Variants in STOX1 observed in about 807,000 individuals in gnomAD.
The protein encoded by STOX1 is storkhead box 1.
STOX1 carries 57 observed loss-of-function variants against 74.8 expected under a neutral mutation model. The observed-to-expected ratio is 0.76, with a 90% CI of 0.62 to 0.95. The LOEUF (loss-of-function observed/expected upper bound fraction) is 0.95. Among genes scored for constraint, STOX1 ranks in the 40% least tolerant of loss-of-function variants. The pLI is 0.00. For missense variants in STOX1, 1,010 were observed against 1,117.0 expected (o/e 0.90, Z 1.37); for synonymous variants, 375 against 401.3 (o/e 0.93, Z 0.78).
chr10:68,843,573 T>C (rs1839749461), intron 1 of STOX1, among the ~76,000 whole-genome samples: 2 of 152,028 alleles, frequency 1.3e-5, no homozygotes, highest in African/African-American at 2.4e-5. Context: ...GGAATTTCAC[T>C]CTTGTTGCCC....
At chr10:68,889,778 G>A (rs1841054642) in intron 3 of STOX1, among the ~76,000 whole-genome samples, 2 of 151,916 alleles carry the variant, frequency 1.3e-5, no homozygotes, top group Non-Finnish European at 2.9e-5. Context: ...TGTCCAGGCT[G>A]GTCTTGAACT....
In STOX1 at chr10:68,882,185, CATAAACTGGGTG is replaced by C. The variant is rs1434612455; in HGVS notation, c.463+79_463+90del. ...TTCTATTTATAATTAGTCTTAAGCA[CATAAACTGGGTG>C]ATATCCTTTTTTCCCCTCTTCTATA... On this transcript the variant is annotated intron_variant, in intron 2 of 3. Coordinates refer to ENST00000298596, the MANE Select transcript of STOX1 (RefSeq NM_152709.5). 5.6e-6 allele frequency: 8 copies of C among 1,422,480 alleles called. No individual in the cohort carries two copies. In the Admixed American group the frequency reaches 1.3e-4, roughly 24 times the overall value. The allele number at this position is 1,422,480 out of a possible 1,614,324, so 88.1% of individuals were successfully genotyped here.
chr10:68,871,291 C>T (rs1840531317), intron 1 of STOX1, among the ~76,000 whole-genome samples: 1 of 152,340 alleles, frequency 6.6e-6, no homozygotes, highest in Non-Finnish European at 1.5e-5. Flanking sequence ...GGTGGGGCCA[C>T]CTGTCTTCTT....
chr10:68,858,509 A>G (rs1840182939), intron 1 of STOX1, among the ~76,000 whole-genome samples: 1 of 152,158 alleles, frequency 6.6e-6, no homozygotes, highest in Non-Finnish European at 1.5e-5. Flanking sequence ...GCTTCTTAGT[A>G]AAACTACATT....
chr10:68,870,080 A>G (rs1840501435), intron 1 of STOX1, among the ~76,000 whole-genome samples: 1 of 152,176 alleles, frequency 6.6e-6, no homozygotes, highest in Admixed American at 6.5e-5. Context: ...TTAAAAAAAA[A>G]TCTAGGGAAA....
Position 68,881,977 on chromosome 10 carries a change from A to G in STOX1, c.330A>G (p.Gln110=). Residue 110 remains glutamine, a synonymous_variant, in exon 2 of 4, where the codon CAA becomes CAG. Transcript: ENST00000298596. ...IRAVGDVFPV[Q]MNPITQSQFV... Reference sequence around the variant, plus strand: ...ATTTAGGTGATGTCTTTCCAGTGCAAATGAATCCAATAACTCAATCTCAGT... The same window carrying G: ...ATTTAGGTGATGTCTTTCCAGTGCAGATGAATCCAATAACTCAATCTCAGT... 6.2e-7 allele frequency: 1 copy of G among 1,613,908 alleles called. No individual in the cohort carries two copies. The highest frequency in any genetic ancestry group is 8.5e-7 in the Non-Finnish European group (1 of 1,179,904).
At chr10:68,848,451 G>T (rs1247511741) in intron 1 of STOX1, among the ~76,000 whole-genome samples, 2 of 152,144 alleles carry the variant, frequency 1.3e-5, no homozygotes, top group Non-Finnish European at 2.9e-5. Context: ...CCACTGGTCA[G>T]GTTAGATATT....
At chr10:68,831,992 T>G (rs933009294) in intron 1 of STOX1, among the ~76,000 whole-genome samples, 14 of 151,400 alleles carry the variant, frequency 9.2e-5, no homozygotes, top group Non-Finnish European at 7.4e-5. Flanking sequence ...CTCTAACTGC[T>G]GGGTCCAAGG....
chr10:68,871,289 C>T (rs1840531203), intron 1 of STOX1, among the ~76,000 whole-genome samples: 1 of 152,206 alleles, frequency 6.6e-6, no homozygotes, highest in Non-Finnish European at 1.5e-5. Context: ...CGGGTGGGGC[C>T]ACCTGTCTTC....
chr10:68,867,564 T>C (rs1433044739), intron 1 of STOX1, among the ~76,000 whole-genome samples: 1 of 152,218 alleles, frequency 6.6e-6, no homozygotes, highest in African/African-American at 2.4e-5. Flanking sequence ...CTTCAAGGTA[T>C]TGAGGGGGTG....
At position 68,892,749 on chromosome 10, in the gene STOX1, A is replaced by C. The variant is rs764457506; in HGVS notation, c.*13A>C. The stretch of plus-strand genomic sequence containing the variant: ...CATAAACGTTTAATTTTCTTTTGGA[A>C]ACCTACTTTTTTCTTTATAAAAAGG... On this transcript the variant is annotated 3_prime_UTR_variant, in exon 4 of 4. Transcript: ENST00000298596. 2 of 1,612,568 alleles carry C rather than the reference A, an allele frequency of 1.2e-6. No homozygotes were observed. Among genetic ancestry groups the C allele is most frequent in the Admixed American group, 3.3e-5 (2 of 59,946 alleles).
At chr10:68,838,120 G>A (rs1839606018) in intron 1 of STOX1, among the ~76,000 whole-genome samples, 1 of 150,888 alleles carries the variant, frequency 6.6e-6, no homozygotes, top group African/African-American at 2.4e-5. Context: ...AGGCTGGAGT[G>A]TCGTGGTGTG....
intron 1 of STOX1, among the ~76,000 whole-genome samples, chr10:68,843,968 CA>C (rs1198868703): frequency 6.6e-6 from 1 of 151,996 alleles, no homozygotes; most frequent in Non-Finnish European, 1.5e-5. Flanking sequence ...ATCACAAGGT[CA>C]GGAGATCGAG....
At chr10:68,894,920 C>T (rs1334343459), downstream of STOX1, among the ~76,000 whole-genome samples, 1 of 152,234 alleles carries the variant, frequency 6.6e-6, no homozygotes, top group East Asian at 1.9e-4. Context: ...GACAGGATCT[C>T]ACTATGTTGG....
chr10:68,873,278 T>TTTTTGG (rs869175853), intron 1 of STOX1, among the ~76,000 whole-genome samples: 1 of 95,644 alleles, frequency 1.0e-5, no homozygotes, highest in Non-Finnish European at 2.3e-5. Context: ...TTTTTTTTTT[T>TTTTTGG]GAGACGGAGT....
At chr10:68,843,366 C>T (rs1013257417) in intron 1 of STOX1, among the ~76,000 whole-genome samples, 1 of 152,194 alleles carries the variant, frequency 6.6e-6, no homozygotes, top group African/African-American at 2.4e-5. Flanking sequence ...ACTATAATAA[C>T]ATTCATCAAC....
At chr10:68,849,534 G>A (rs1839928539) in intron 1 of STOX1, among the ~76,000 whole-genome samples, 2 of 152,126 alleles carry the variant, frequency 1.3e-5, no homozygotes, top group Non-Finnish European at 2.9e-5. Flanking sequence ...GGGAGTTTCA[G>A]TCTCAGGGAG....
At chr10:68,842,678 C>T (rs1179479041) in intron 1 of STOX1, among the ~76,000 whole-genome samples, 1 of 151,222 alleles carries the variant, frequency 6.6e-6, no homozygotes, top group Admixed American at 6.6e-5. Context: ...TAGCGGGGAT[C>T]ATGGGTACCC....
chr10:68,830,367 G>A (rs1167778184), intron 1 of STOX1, among the ~76,000 whole-genome samples: 4 of 152,042 alleles, frequency 2.6e-5, no homozygotes, highest in Non-Finnish European at 5.9e-5. Context: ...TTGTTTGACA[G>A]AGTCTCTCTC....
Sources: gnomAD v4.1 joint callset for allele counts (sites outside exome capture counted in the v4.1 genomes callset) on GRCh38, gnomAD v4.1.1 for gene constraint, MANE v1.5 for transcripts, NCBI Gene and HGNC (gene_info 2026-07-23, HGNC 2026-07-21) for gene names.